The following USH2A variants were observed in gnomAD, a reference collection of about 807,000 sequenced individuals.
The protein encoded by USH2A is usherin, also known as Usher syndrome 2A (autosomal recessive, mild).
USH2A carries 443 observed loss-of-function variants against 538.9 expected under a neutral mutation model. The ratio of observed to expected loss-of-function variants is 0.82; its 90% CI spans 0.76 to 0.89. The LOEUF is 0.89. Among genes scored for constraint, USH2A ranks in the 40% least tolerant of loss-of-function variants. USH2A has a pLI of 0.00. For missense variants in USH2A, 6,633 were observed against 6,324.8 expected (o/e 1.05, Z -1.65); for synonymous variants, 2,413 against 2,273.5 (o/e 1.06, Z -1.75).
chr1:215,930,179 C>G (rs746389318), intron 38 of USH2A, among the ~76,000 whole-genome samples: 8 of 151,924 alleles, frequency 5.3e-5, no homozygotes, highest in Non-Finnish European at 4.4e-5. Flanking sequence ...GCTCCAAGTT[C>G]CTTTCACTGT....
chr1:216,070,913 A>C (rs2031538685), intron 29 of USH2A, among the ~76,000 whole-genome samples: 1 of 152,124 alleles, frequency 6.6e-6, no homozygotes, highest in Non-Finnish European at 1.5e-5. Context: ...GTCATTTTCA[A>C]AGTCTTGTTC....
chr1:215,842,780 G>A (rs542404975), intron 46 of USH2A, among the ~76,000 whole-genome samples: 179 of 152,104 alleles, frequency 1.2e-3, no homozygotes, highest in Non-Finnish European at 1.4e-3. Context: ...TGGACACAGC[G>A]AGGGGAACAA....
chr1:216,022,376 T>C (rs1024500347), intron 32 of USH2A, among the ~76,000 whole-genome samples: 11 of 152,014 alleles, frequency 7.2e-5, no homozygotes, highest in Non-Finnish European at 1.6e-4. Flanking sequence ...TCTCTGAACA[T>C]TGTGAACAAC....
chr1:215,639,316 T>C, intron 68 of USH2A, 78 bp from the exon 69 acceptor site: 1 of 1,333,422 alleles, frequency 7.5e-7, no homozygotes, highest in Admixed American at 1.7e-5. Context: ...AAAAGAGCAA[T>C]GCATCATAGC....
At chr1:215,880,228 C>G (rs12063584) in intron 41 of USH2A, among the ~76,000 whole-genome samples, 3,998 of 152,146 alleles carry the variant, frequency 0.026, 176 homozygotes, top group African/African-American at 0.092. Flanking sequence ...GAAGGACTGA[C>G]CATAATTTTC....
chr1:215,702,405 G>C (rs764792154), intron 61 of USH2A, among the ~76,000 whole-genome samples: 24 of 152,110 alleles, frequency 1.6e-4, no homozygotes, highest in Non-Finnish European at 2.6e-4. Context: ...ATAATATCCT[G>C]AAGTGTGTTT....
chr1:215,959,513 A>G lies in USH2A; in HGVS notation c.7120+5804T>C, dbSNP rs1056652573. 4.0e-4 allele frequency among the ~76,000 whole-genome samples: 61 copies of G among 152,208 alleles called. 1 individual carries two copies. Among genetic ancestry groups the G allele is most frequent in the African/African-American group, 1.4e-3 (57 of 41,554 alleles). ...TAAAACCTGTTTGTTGTACCTCTCC[A>G]CATTCAGAAAGAGTTATCTGAGATC... On this transcript the variant is annotated intron_variant, in intron 37 of 71. Transcript: ENST00000307340.
chr1:215,844,557 C>G lies in USH2A; in HGVS notation c.9056-61G>C, dbSNP rs939472764. ...TGTCTCTGAAAAAGCACATGTTAAG[C>G]TAAATGCAGATTAGTATTTAGGTTT... On this transcript the variant is annotated intron_variant, in intron 45 of 71. Transcript: ENST00000307340. The G allele has an allele frequency of 1.9e-6, 3 of 1,556,604 alleles. No homozygotes were observed. In the African/African-American group the frequency reaches 4.1e-5, roughly 21 times the overall value.
At chr1:215,757,932 G>A (rs1351301344) in intron 58 of USH2A, among the ~76,000 whole-genome samples, 1 of 152,138 alleles carries the variant, frequency 6.6e-6, no homozygotes, top group East Asian at 1.9e-4. Context: ...CCAATCTAAG[G>A]AGTCCCATGG....
At chr1:215,854,245 A>T (rs778083659) in intron 44 of USH2A, among the ~76,000 whole-genome samples, 133 of 152,268 alleles carry the variant, frequency 8.7e-4, no homozygotes, top group Admixed American at 1.4e-3. Context: ...AAACCATCAG[A>T]TCTCATTAGA....
intron 64 of USH2A, among the ~76,000 whole-genome samples, chr1:215,657,589 CT>C (rs1171581909): frequency 6.6e-6 from 1 of 152,196 alleles, no homozygotes; most frequent in African/African-American, 2.4e-5. Context: ...TACAGTCACA[CT>C]TTTACAGATA....
At chr1:216,050,996 C>T (rs2030765694) in intron 30 of USH2A, among the ~76,000 whole-genome samples, 1 of 152,108 alleles carries the variant, frequency 6.6e-6, no homozygotes, top group Non-Finnish European at 1.5e-5. Flanking sequence ...CCCTCAACTT[C>T]CTTCTGTGAC....
chr1:215,792,736 T>C (rs909413863), intron 50 of USH2A, among the ~76,000 whole-genome samples: 7 of 152,208 alleles, frequency 4.6e-5, no homozygotes, highest in East Asian at 1.9e-4. Context: ...CGAAACTGCA[T>C]TGCAATAACT....
chr1:216,350,990 T>A (rs2038271302), intron 4 of USH2A, among the ~76,000 whole-genome samples: 6 of 152,130 alleles, frequency 3.9e-5, no homozygotes, highest in Admixed American at 3.9e-4. Context: ...AGGCAGAGGC[T>A]CCCAAGCTTC....
chr1:215,766,623 C>T (rs1378870137), intron 56 of USH2A, 58 bp downstream of exon 56: 44 of 1,472,316 alleles, frequency 3.0e-5, no homozygotes, highest in African/African-American at 5.6e-5. Flanking sequence ...TTACAGATTC[C>T]ACCTCAAAAT....
chr1:216,146,943 C>T (rs868763397), intron 21 of USH2A, among the ~76,000 whole-genome samples: 17 of 152,132 alleles, frequency 1.1e-4, no homozygotes, highest in African/African-American at 3.9e-4. Flanking sequence ...AATACAAACT[C>T]GACAGTAGTT....
At chr1:216,092,949 G>GC (rs2032338659) in intron 22 of USH2A, among the ~76,000 whole-genome samples, 1 of 151,608 alleles carries the variant, frequency 6.6e-6, no homozygotes, top group African/African-American at 2.4e-5. Flanking sequence ...ACTCCCTTTA[G>GC]CCCCCAACTT....
At chr1:216,246,485 A>G (rs2036047948) in intron 13 of USH2A, 100 bp downstream of exon 13, 1 of 1,508,138 alleles carries the variant, frequency 6.6e-7, no homozygotes, top group Non-Finnish European at 9.1e-7. Context: ...TTTTGGAAAT[A>G]AAATTTGTAG....
intron 65 of USH2A, among the ~76,000 whole-genome samples, chr1:215,649,839 G>C (rs1656994298): frequency 6.6e-6 from 1 of 152,200 alleles, no homozygotes; most frequent in Non-Finnish European, 1.5e-5. Context: ...AGAAACTTGA[G>C]AGTGACACAA....
Sources: allele counts gnomAD v4.1 joint callset (sites outside exome capture counted in the v4.1 genomes callset), GRCh38; gene constraint gnomAD v4.1.1; transcripts MANE v1.5; gene names NCBI Gene and HGNC (gene_info 2026-07-23, HGNC 2026-07-21).